Variants in CNTN4 observed in about 807,000 individuals in gnomAD.
The protein encoded by CNTN4 is contactin 4.
Under a neutral mutation model 122.5 loss-of-function variants are expected in CNTN4, and 77 were observed. The ratio of observed to expected loss-of-function variants is 0.63; its 90% CI spans 0.52 to 0.76. The LOEUF is 0.76. Among genes scored for constraint, CNTN4 ranks in the 30% least tolerant of loss-of-function variants. The pLI, the probability that CNTN4 is intolerant of heterozygous loss-of-function variation, is 0.00. For missense variants in CNTN4, 1,256 were observed against 1,259.1 expected (o/e 1.00, Z 0.04); for synonymous variants, 512 against 447.0 (o/e 1.15, Z -1.83).
chr3:2,760,095 A>G (rs1013484945), intron 6 of CNTN4, among the ~76,000 whole-genome samples: 1 of 152,200 alleles, frequency 6.6e-6, no homozygotes, highest in Non-Finnish European at 1.5e-5. Context: ...TGTCAAATAT[A>G]CGATTTGTAA....
At chr3:2,706,998 A>C (rs536676368) in intron 4 of CNTN4, among the ~76,000 whole-genome samples, 1 of 152,086 alleles carries the variant, frequency 6.6e-6, no homozygotes, top group African/African-American at 2.4e-5. Context: ...GTGTGTATGT[A>C]ATTATAAAAT....
chr3:3,035,540 T>G (rs1699528256), intron 17 of CNTN4, among the ~76,000 whole-genome samples: 1 of 152,028 alleles, frequency 6.6e-6, no homozygotes, highest in Admixed American at 6.6e-5. Context: ...AACAGAGGAT[T>G]ATAGGGAGCC....
intron 2 of CNTN4, among the ~76,000 whole-genome samples, chr3:2,312,301 A>G (rs974255016): frequency 2.6e-5 from 4 of 152,130 alleles, no homozygotes; most frequent in Admixed American, 6.6e-5. Context: ...AATGTTGTGG[A>G]GATTTCAGAA....
chr3:2,431,616 A>G (rs1414336232), intron 3 of CNTN4, among the ~76,000 whole-genome samples: 1 of 152,152 alleles, frequency 6.6e-6, no homozygotes, highest in Non-Finnish European at 1.5e-5. Flanking sequence ...GAGGGACTGA[A>G]CACGTGTTAT....
chr3:2,959,666 G>C (rs2094833902), intron 13 of CNTN4, among the ~76,000 whole-genome samples: 1 of 143,812 alleles, frequency 7.0e-6, no homozygotes. Context: ...AAATTTTTAA[G>C]TGACTGATTT....
chr3:2,227,450 C>T (rs973783577), intron 2 of CNTN4, among the ~76,000 whole-genome samples: 42 of 152,098 alleles, frequency 2.8e-4, no homozygotes, highest in Non-Finnish European at 4.4e-5. Context: ...TTTCATTTTG[C>T]ACATAATCCA....
At position 2,883,160 on chromosome 3, in the gene CNTN4, A is replaced by G; in HGVS notation, c.668A>G (p.Tyr223Cys). ...TTATTCACAGGAGTGATGGGTGAATATGAGCCCAAAATAGAAGTGCAGTTC... is the reference window on the plus strand; with the variant it reads ...TTATTCACAGGAGTGATGGGTGAATGTGAGCCCAAAATAGAAGTGCAGTTC... ...ILRNDGVMGE[Y>C]EPKIEVQFPE... is the part of the protein sequence containing the mutation. Residue 223 changes from tyrosine (Y) to cysteine (C), a missense_variant, in exon 9 of 25, where the codon TAT (tyrosine) becomes TGT (cysteine). Tyr to Cys is a radical substitution (Grantham distance 194). Transcript: ENST00000418658. The G allele has an allele frequency of 6.2e-7, 1 of 1,613,364 alleles. No homozygotes were observed. Among genetic ancestry groups the G allele is most frequent in the Non-Finnish European group, 8.5e-7 (1 of 1,179,392 alleles).
intron 4 of CNTN4, among the ~76,000 whole-genome samples, chr3:2,590,895 A>G (rs554636575): frequency 2.0e-5 from 3 of 152,258 alleles, no homozygotes; most frequent in East Asian, 3.9e-4. Context: ...GTATTGAAGT[A>G]TAATTGACAT....
intron 3 of CNTN4, among the ~76,000 whole-genome samples, chr3:2,350,089 G>A (rs971157120): frequency 2.0e-5 from 3 of 152,166 alleles, no homozygotes; most frequent in African/African-American, 7.2e-5. Flanking sequence ...AGTCATCGTG[G>A]TTGTTTTACC....
At chr3:2,885,650 C>G (rs2093965525) in intron 9 of CNTN4, among the ~76,000 whole-genome samples, 1 of 152,160 alleles carries the variant, frequency 6.6e-6, no homozygotes, top group African/African-American at 2.4e-5. Context: ...TATATTGTTT[C>G]TGTTATCTAT....
At position 3,043,024 on chromosome 3, in the gene CNTN4, A is replaced by G; in HGVS notation, c.2559A>G (p.Ile853Met). ...HEDKEENARK[I>M]RTVGNQTSTK... The stretch of plus-strand genomic sequence containing the variant: ...ACAAAGAAGAAAATGCTAGAAAAAT[A>G]CGAACAGTTGGAAATCAGACATCAA... The change falls in exon 22 of 25, where the codon ATA becomes ATG. Residue 853 changes from isoleucine (I) to methionine (M), a missense_variant. Coordinates refer to ENST00000418658, the MANE Select transcript of CNTN4 (RefSeq NM_175607.3). 1 of 1,614,214 alleles carries G rather than the reference A, an allele frequency of 6.2e-7. No homozygotes were observed. Among genetic ancestry groups the G allele is most frequent in the Non-Finnish European group, 8.5e-7 (1 of 1,180,016 alleles).
chr3:2,656,160 A>G lies in CNTN4; in HGVS notation c.56-80055A>G, dbSNP rs960309150. Among the ~76,000 whole-genome samples, 4 of 152,350 alleles carry G rather than the reference A, an allele frequency of 2.6e-5. 1 individual carries two copies. The highest frequency in any genetic ancestry group is 6.8e-3 in the Middle Eastern group (2 of 294). Reference sequence around the variant, plus strand: ...AAACAATTAAAAGAGAATAATTATAAGTCAAAGTTATCAGGAAGGAAGGAC... The same window carrying G: ...AAACAATTAAAAGAGAATAATTATAGGTCAAAGTTATCAGGAAGGAAGGAC... On this transcript the variant is annotated intron_variant, in intron 4 of 24. Coordinates refer to ENST00000418658, the MANE Select transcript of CNTN4 (RefSeq NM_175607.3).
chr3:2,577,603 A>G (rs774182487), intron 4 of CNTN4, among the ~76,000 whole-genome samples: 1 of 152,140 alleles, frequency 6.6e-6, no homozygotes. Flanking sequence ...ATCTGTACAC[A>G]TGGTTTGAGA....
intron 4 of CNTN4, among the ~76,000 whole-genome samples, chr3:2,676,160 G>A (rs2084831589): frequency 6.6e-6 from 1 of 151,570 alleles, no homozygotes; most frequent in African/African-American, 2.4e-5. Flanking sequence ...TTTTACTTAT[G>A]TTTAGATCCT....
chr3:2,479,592 A>G (rs2075930460), intron 3 of CNTN4, among the ~76,000 whole-genome samples: 2 of 152,224 alleles, frequency 1.3e-5, no homozygotes, highest in African/African-American at 4.8e-5. Flanking sequence ...TTGTAACCCC[A>G]TAGTACTCAA....
chr3:2,492,227 A>C lies in CNTN4; in HGVS notation c.-88-79189A>C, dbSNP rs184331739. Among the ~76,000 whole-genome samples, 7 of 152,288 alleles carry C rather than the reference A, an allele frequency of 4.6e-5. No individual in the cohort carries two copies. The East Asian group carries it at 9.7e-4, about 21-fold the overall frequency. ...TTTTGATGTAAAAGGTGGCACATGT[A>C]CCTTGCAGATATTTTGTACTCTTTT... On this transcript the variant is annotated intron_variant, in intron 3 of 24. Coordinates refer to ENST00000418658, the MANE Select transcript of CNTN4 (RefSeq NM_175607.3).
intron 4 of CNTN4, among the ~76,000 whole-genome samples, chr3:2,695,115 G>T (rs185164522): frequency 2.6e-5 from 4 of 152,256 alleles, no homozygotes; most frequent in African/African-American, 9.6e-5. Flanking sequence ...CACCTGTCCT[G>T]GTGTAGCACT....
intron 3 of CNTN4, among the ~76,000 whole-genome samples, chr3:2,496,310 T>A (rs1293232863): frequency 6.6e-6 from 1 of 152,106 alleles, no homozygotes; most frequent in African/African-American, 2.4e-5. Flanking sequence ...TTTACTGGGG[T>A]ATTGGACATT....
chr3:2,279,061 T>A (rs537086413), intron 2 of CNTN4, among the ~76,000 whole-genome samples: 12 of 152,034 alleles, frequency 7.9e-5, no homozygotes, highest in Middle Eastern at 3.4e-3. Flanking sequence ...ACCTTCCACA[T>A]AAGCTTAATA....
Sources: allele counts gnomAD v4.1 joint callset (sites outside exome capture counted in the v4.1 genomes callset), GRCh38; gene constraint gnomAD v4.1.1; transcripts MANE v1.5; gene names NCBI Gene and HGNC (gene_info 2026-07-23, HGNC 2026-07-21).